Variants in CYP24A1 observed in about 807,000 individuals in gnomAD.
CYP24A1 encodes cytochrome P450 family 24 subfamily A member 1.
In CYP24A1, 68 loss-of-function variants were observed where a neutral mutation model predicts 62.4. The ratio of observed to expected loss-of-function variants is 1.09; its 90% CI spans 0.90 to 1.33. The LOEUF (loss-of-function observed/expected upper bound fraction) is 1.33, where lower values mean the gene tolerates loss of function less well. Ranked by LOEUF, CYP24A1 falls within the 40% of genes most tolerant of loss-of-function variation. The pLI, the probability that CYP24A1 is intolerant of heterozygous loss-of-function variation, is 0.00. For missense variants in CYP24A1, 787 were observed against 653.0 expected (o/e 1.21, Z -2.24); for synonymous variants, 267 against 253.0 (o/e 1.06, Z -0.52).
Position 54,157,489 on chromosome 20 carries a change from C to T in CYP24A1, c.1333G>A (p.Glu445Lys), listed in dbSNP as rs761493926. The T allele has an allele frequency of 1.0e-5, 16 of 1,601,458 alleles. No individual in the cohort carries two copies. Among genetic ancestry groups the T allele is most frequent in the South Asian group, 9.9e-5 (9 of 90,822 alleles). The change falls in exon 10 of 12, where the codon GAA (glutamate) becomes AAA (lysine). Residue 445 changes from glutamate (E) to lysine (K), a missense_variant. Coordinates refer to ENST00000216862, the MANE Select transcript of CYP24A1 (RefSeq NM_000782.5). ...AGATGCGCAAAAGGATTAATTTTTT[C>T]CTTCTCCTGAAGCCAACGTTCAGGT... ...FRPERWLQEK[E>K]KINPFAHLPF...
In CYP24A1 at chr20:54,173,409, G is replaced by A. The variant is rs920429090; in HGVS notation, c.171C>T (p.Ala57=). Residue 57 remains alanine (A), a synonymous_variant, in exon 1 of 12, where the codon GCC becomes GCT. Transcript: ENST00000216862. The surrounding 1 kb of genome is among the most constrained non-coding windows in gnomAD (Gnocchi z 7.2). ...TAGGETQNAA[A]LPGPTSWPLL... is the part of the protein sequence containing the mutation. Reference sequence around the variant, plus strand: ...GTGGCCAGCTGGTGGGGCCCGGCAGGGCGGCCGCGTTCTGAGTCTCGCCAC... The same window carrying A: ...GTGGCCAGCTGGTGGGGCCCGGCAGAGCGGCCGCGTTCTGAGTCTCGCCAC... 6.3e-6 allele frequency: 10 copies of A among 1,578,812 alleles called. No homozygotes were observed. Among genetic ancestry groups the A allele is most frequent in the South Asian group, 3.5e-5 (3 of 86,850 alleles).
chr20:54,156,156 T>C (rs192776104), intron 11 of CYP24A1, among the ~76,000 whole-genome samples: 124 of 152,334 alleles, frequency 8.1e-4, no homozygotes, highest in Middle Eastern at 3.4e-3. Flanking sequence ...CCGCTTGTTT[T>C]TTATAAAATT....
At chr20:54,149,030 T>C (rs151164040), downstream of CYP24A1, among the ~76,000 whole-genome samples, 19 of 152,324 alleles carry the variant, frequency 1.2e-4, no homozygotes, top group East Asian at 3.7e-3. Context: ...CGTAGTAGGA[T>C]ACAGATGGCG....
chr20:54,162,965 A>C (rs745483961), intron 6 of CYP24A1, 103 bp from the exon 7 acceptor site: 1 of 763,144 alleles, frequency 1.3e-6, no homozygotes, highest in Non-Finnish European at 2.4e-6. Context: ...ATATCTAAAT[A>C]GTCTTTTCAG....
In CYP24A1 at chr20:54,173,308, G is replaced by A. The variant is rs766310509; in HGVS notation, c.258+14C>T. ...AGAGGGAGGAGAGAGTCAGGGGCGCGAAAAGGGGTTTACCAGGGTGTCGTG... is the reference window on the plus strand; with the variant it reads ...AGAGGGAGGAGAGAGTCAGGGGCGCAAAAAGGGGTTTACCAGGGTGTCGTG... On this transcript the variant is annotated intron_variant, in intron 1 of 11. Coordinates refer to ENST00000216862, the MANE Select transcript of CYP24A1 (RefSeq NM_000782.5). The surrounding 1 kb of genome is among the most constrained non-coding windows in gnomAD (Gnocchi z 7.2). 33 of 1,604,124 alleles carry A rather than the reference G, an allele frequency of 2.1e-5. No individual in the cohort carries two copies. The highest frequency in any genetic ancestry group is 1.7e-4 in the Middle Eastern group (1 of 6,046).
intron 4 of CYP24A1, among the ~76,000 whole-genome samples, chr20:54,168,266 T>C (rs1437412582): frequency 1.3e-5 from 2 of 152,166 alleles, no homozygotes; most frequent in African/African-American, 2.4e-5. Context: ...TGCACCCCCA[T>C]GGGCAGTGAG....
chr20:54,145,157 T>C, the CYP24A1 span, among the ~76,000 whole-genome samples: 1 of 152,318 alleles, frequency 6.6e-6, no homozygotes, highest in East Asian at 1.9e-4. Flanking sequence ...CCGGCATTTC[T>C]ACACTCTTAA....
Position 54,162,846 on chromosome 20 carries a change from GT to G in CYP24A1, c.860del (p.Asp287AlafsTer4). On this transcript the variant is annotated frameshift_variant, in exon 7 of 12. Transcript: ENST00000216862. LOFTEE classifies it high-confidence loss of function. ...TIFKSVKACI[D>X]NRLEKYSQQP... ...GCTGAGAATACTTCTCTAACCGGTT[GT>G]CGATACAAGCTTTGACTATTAGAGC... 6.3e-7 allele frequency: 1 copy of G among 1,575,678 alleles called. No individual in the cohort carries two copies. Among genetic ancestry groups the G allele is most frequent in the Non-Finnish European group, 8.7e-7 (1 of 1,145,194 alleles).
chr20:54,153,673 T>C lies in CYP24A1; in HGVS notation c.*1099A>G, dbSNP rs2092616927. The C allele has an allele frequency of 6.6e-6, 1 of 152,658 alleles. No homozygotes were observed. Among genetic ancestry groups the C allele is most frequent in the Non-Finnish European group, 1.5e-5 (1 of 68,032 alleles). 9.5% of individuals were successfully genotyped at this position (152,658 alleles called of 1,614,324 possible). ...TATTTATCAAATACACAGAATTATA[T>C]ACAGTATGCATTTAGGAAAAGCAGT... On this transcript the variant is annotated 3_prime_UTR_variant, in exon 12 of 12. Transcript: ENST00000216862.
At position 54,169,867 on chromosome 20, in the gene CYP24A1, T is replaced by C. The variant is rs2245153; in HGVS notation, c.544-179A>G. Among the ~76,000 whole-genome samples, 33,057 of 152,222 alleles carry C rather than the reference T, an allele frequency of 0.22. 3,937 individuals carry two copies. The highest frequency in any genetic ancestry group is 0.31 in the African/African-American group (12,697 of 41,522). Reference sequence around the variant, plus strand: ...CCTGGGAACCCACCTTATCCCCTAATGACCTCGTCCTGGGTTATTTCCTGA... The same window carrying C: ...CCTGGGAACCCACCTTATCCCCTAACGACCTCGTCCTGGGTTATTTCCTGA... On this transcript the variant is annotated intron_variant, in intron 3 of 11. Transcript: ENST00000216862.
intron 2 of CYP24A1, among the ~76,000 whole-genome samples, chr20:54,172,236 G>A (rs1022833552): frequency 6.6e-6 from 1 of 152,168 alleles, no homozygotes; most frequent in Non-Finnish European, 1.5e-5. Context: ...AGCCTGTGAA[G>A]CACCGTGAAT....
intron 9 of CYP24A1, 95 bp from the exon 10 acceptor site, chr20:54,157,680 C>T: frequency 1.2e-6 from 1 of 824,552 alleles, no homozygotes; most frequent in East Asian, 2.4e-5. Context: ...AAATCAAAAG[C>T]CAAATCCACA....
the CYP24A1 span, among the ~76,000 whole-genome samples, chr20:54,145,040 T>C: frequency 1.3e-5 from 2 of 152,162 alleles, no homozygotes; most frequent in Non-Finnish European, 2.9e-5. Context: ...TCAAACGAAG[T>C]TGTTTTCTAA....
At chr20:54,146,607 A>G in the CYP24A1 span, among the ~76,000 whole-genome samples, 1 of 152,224 alleles carries the variant, frequency 6.6e-6, no homozygotes, top group Non-Finnish European at 1.5e-5. Flanking sequence ...TCAACTTCAT[A>G]TTTATTTTGT....
chr20:54,165,822 C>T lies in CYP24A1; in HGVS notation c.652G>A (p.Val218Met), dbSNP rs372063233. ...AGCCCAAATCTCTTCTCATACAACA[C>T]GAGGCAGATACCTGTCATTTAAAAT... Reference protein sequence around the residue: ...NKWSFESICLVLYEKRFGLLQ... With the variant: ...NKWSFESICLMLYEKRFGLLQ... The change falls in exon 5 of 12, where the codon GTG becomes ATG. Residue 218 changes from valine (V) to methionine (M), a missense_variant. Physicochemically the swap from Val to Met is conservative, Grantham distance 21. Coordinates refer to ENST00000216862, the MANE Select transcript of CYP24A1 (RefSeq NM_000782.5). 5.7e-5 allele frequency: 80 copies of T among 1,403,018 alleles called. No individual in the cohort carries two copies. Among genetic ancestry groups the T allele is most frequent in the Non-Finnish European group, 7.3e-5 (72 of 987,246 alleles). The allele number at this position is 1,403,018 out of a possible 1,614,324, so 86.9% of individuals were successfully genotyped here.
intron 2 of CYP24A1, 95 bp downstream of exon 2, chr20:54,172,814 C>T (rs938577755): frequency 1.1e-5 from 17 of 1,596,830 alleles, no homozygotes; most frequent in Admixed American, 5.1e-5. Flanking sequence ...AGCTTCCAAC[C>T]CCAGGGAACT....
In CYP24A1 at chr20:54,169,588, T is replaced by A; in HGVS notation, c.640+4A>T. The A allele has an allele frequency of 6.2e-7, 1 of 1,614,150 alleles. No homozygotes were observed. Among genetic ancestry groups the A allele is most frequent in the Non-Finnish European group, 8.5e-7 (1 of 1,180,020 alleles). On this transcript the variant is annotated splice_donor_region_variant and intron_variant, in intron 4 of 11. Transcript: ENST00000216862. Reference sequence around the variant, plus strand: ...CAGTGAGCAAGTCTGTGACGACAACTTACTTTCAAACGACCATTTGTTCAG... The same window carrying A: ...CAGTGAGCAAGTCTGTGACGACAACATACTTTCAAACGACCATTTGTTCAG...
At chr20:54,167,440 G>A (rs1451561418) in intron 4 of CYP24A1, among the ~76,000 whole-genome samples, 1 of 152,150 alleles carries the variant, frequency 6.6e-6, no homozygotes, top group African/African-American at 2.4e-5. Flanking sequence ...TCAGGAGTTT[G>A]AGACCAACCG....
chr20:54,145,144 C>T, the CYP24A1 span, among the ~76,000 whole-genome samples: 9 of 152,044 alleles, frequency 5.9e-5, no homozygotes, highest in Non-Finnish European at 1.2e-4. Context: ...ATTTTAAGCT[C>T]TTCCGGCATT....
Sources: gnomAD v4.1 joint callset for allele counts (sites outside exome capture counted in the v4.1 genomes callset) on GRCh38, gnomAD v4.1.1 for gene constraint, Gnocchi (gnomAD v3.1) non-coding constraint, MANE v1.5 for transcripts, NCBI Gene and HGNC (gene_info 2026-07-23, HGNC 2026-07-21) for gene names.